Variants in PLPP4 observed in about 807,000 individuals in gnomAD.
PLPP4 encodes the protein diacylglycerol pyrophosphate like 2.
PLPP4 carries 20 observed loss-of-function variants against 32.2 expected under a neutral mutation model. That is an observed-to-expected ratio of 0.62 (90% CI 0.44 to 0.90). The LOEUF (loss-of-function observed/expected upper bound fraction) is 0.90. Among genes scored for constraint, PLPP4 ranks in the 40% least tolerant of loss-of-function variants. PLPP4 has a pLI of 0.00. For synonymous variants in PLPP4, 127 were observed against 133.0 expected, an observed-to-expected ratio of 0.95 and a Z score of 0.31; for missense variants, 257 against 353.1, an observed-to-expected ratio of 0.73 and a Z score of 2.18.
At chr10:120,537,125 G>A (rs1480284481) in intron 5 of PLPP4, among the ~76,000 whole-genome samples, 1 of 152,136 alleles carries the variant, frequency 6.6e-6, no homozygotes, top group Non-Finnish European at 1.5e-5. Context: ...ATGAAAAAGA[G>A]CATAGAGCTT....
In PLPP4 at chr10:120,520,935, A is replaced by G. The variant is rs891025353; in HGVS notation, c.321-36A>G. On this transcript the variant is annotated intron_variant, in intron 4 of 6. Transcript: ENST00000398250. ...GCTTGGGGTCATTTGTGATGGCAGC[A>G]TTTTATATTGAAAATGTCCATGGTG... is the stretch of plus-strand genomic sequence containing the variant. The G allele has an allele frequency of 4.3e-6, 7 of 1,612,674 alleles. No individual in the cohort carries two copies. The African/African-American group carries it at 8.0e-5, about 18-fold the overall frequency.
intron 5 of PLPP4, among the ~76,000 whole-genome samples, chr10:120,560,140 A>G (rs1440978703): frequency 6.6e-6 from 1 of 152,184 alleles, no homozygotes; most frequent in Non-Finnish European, 1.5e-5. Context: ...GCAATGTTGT[A>G]AACCTTGAAT....
At chr10:120,504,074 A>C in intron 2 of PLPP4, 148 bp downstream of exon 2, 1 of 625,824 alleles carries the variant, frequency 1.6e-6, no homozygotes, top group Non-Finnish European at 2.8e-6. Context: ...ATCCAGTTCC[A>C]TGTCATGATA....
At chr10:120,465,270 G>T (rs1848258447) in intron 1 of PLPP4, among the ~76,000 whole-genome samples, 1 of 152,230 alleles carries the variant, frequency 6.6e-6, no homozygotes, top group African/African-American at 2.4e-5. Context: ...ACTGCTGCCT[G>T]CCAGTGGGCC....
rs551740224 is a variant in PLPP4, at chr10:120,475,433, A to G, written c.56+18072A>G. On this transcript the variant is annotated intron_variant, in intron 1 of 6. Coordinates refer to ENST00000398250, the MANE Select transcript of PLPP4 (RefSeq NM_001030059.3). ...GCACATTTGGCCTTGTCCTTTTCCC[A>G]TTCATTGGGGGTTATATGAATGCAG... is the stretch of plus-strand genomic sequence containing the variant. Among the ~76,000 whole-genome samples, 18 of 152,140 alleles carry G rather than the reference A, an allele frequency of 1.2e-4. No individual in the cohort carries two copies. In the South Asian group the frequency reaches 3.7e-3, roughly 32 times the overall value.
At chr10:120,526,808 A>G (rs1846413284) in intron 5 of PLPP4, among the ~76,000 whole-genome samples, 1 of 152,104 alleles carries the variant, frequency 6.6e-6, no homozygotes, top group Non-Finnish European at 1.5e-5. Context: ...TTCTAGCCCC[A>G]TAGTTCACCC....
At chr10:120,466,849 T>TA (rs1848345322) in intron 1 of PLPP4, among the ~76,000 whole-genome samples, 1 of 152,138 alleles carries the variant, frequency 6.6e-6, no homozygotes, top group Admixed American at 6.5e-5. Flanking sequence ...TGTTAGGTGC[T>TA]AAAGCCAGTC....
chr10:120,532,673 T>C (rs1846796785), intron 5 of PLPP4, among the ~76,000 whole-genome samples: 1 of 152,208 alleles, frequency 6.6e-6, no homozygotes, highest in African/African-American at 2.4e-5. Context: ...ATTGATTTAC[T>C]TACTGTCTCT....
intron 1 of PLPP4, among the ~76,000 whole-genome samples, chr10:120,477,323 A>G (rs542594375): frequency 6.7e-6 from 1 of 150,060 alleles, no homozygotes; most frequent in East Asian, 1.9e-4. Flanking sequence ...TTTCCTTCTC[A>G]GAGAATCTAA....
chr10:120,555,478 C>T (rs1031855099), intron 5 of PLPP4, among the ~76,000 whole-genome samples: 22 of 152,120 alleles, frequency 1.4e-4, no homozygotes, highest in African/African-American at 5.1e-4. Flanking sequence ...GAAATGAGAC[C>T]GGGGTCTCTG....
chr10:120,546,355 T>A (rs191761270), intron 5 of PLPP4, among the ~76,000 whole-genome samples: 86 of 152,190 alleles, frequency 5.7e-4, no homozygotes, highest in African/African-American at 1.9e-3. Flanking sequence ...AGCCTTCCTG[T>A]TCAGTTCTCT....
At position 120,520,871 on chromosome 10, in the gene PLPP4, G is replaced by T. The variant is rs1038045072; in HGVS notation, c.321-100G>T. 5.2e-5 allele frequency: 75 copies of T among 1,445,264 alleles called. 1 individual carries two copies. The highest frequency in any genetic ancestry group is 2.8e-4 in the Admixed American group (16 of 56,742). The allele number at this position is 1,445,264 out of a possible 1,614,324, so 89.5% of individuals were successfully genotyped here. A position where few individuals can be genotyped will look rare whatever the true frequency, so the allele number is the denominator to read the frequency against. Reference sequence around the variant, plus strand: ...TCCAGTGTTGACAGCCAAGGGGGCTGAGGAAAGAGCTGGGGGCAGTGGGGA... The same window carrying T: ...TCCAGTGTTGACAGCCAAGGGGGCTTAGGAAAGAGCTGGGGGCAGTGGGGA... On this transcript the variant is annotated intron_variant, in intron 4 of 6. Coordinates refer to ENST00000398250, the MANE Select transcript of PLPP4 (RefSeq NM_001030059.3).
At chr10:120,486,358 C>T (rs528598626) in intron 1 of PLPP4, among the ~76,000 whole-genome samples, 2 of 152,112 alleles carry the variant, frequency 1.3e-5, no homozygotes, top group South Asian at 4.2e-4. Flanking sequence ...TCTACTGTCC[C>T]CTAGATGAGG....
In PLPP4 at chr10:120,566,648, G is replaced by A. The variant is rs141472884; in HGVS notation, c.446-8483G>A. Among the ~76,000 whole-genome samples, 693 of 150,728 alleles carry A rather than the reference G, an allele frequency of 4.6e-3. 12 individuals carry two copies. The highest frequency in any genetic ancestry group is 0.016 in the African/African-American group (650 of 41,020). On this transcript the variant is annotated intron_variant, in intron 5 of 6. Coordinates refer to ENST00000398250, the MANE Select transcript of PLPP4 (RefSeq NM_001030059.3). Reference sequence around the variant, plus strand: ...ACCTCCACCTCCACCTCCACCTCCCGAGTTCAAGCAATTATCCCACCTCAG... The same window carrying A: ...ACCTCCACCTCCACCTCCACCTCCCAAGTTCAAGCAATTATCCCACCTCAG...
intron 1 of PLPP4, among the ~76,000 whole-genome samples, chr10:120,473,946 T>C (rs1843778170): frequency 6.6e-6 from 1 of 152,212 alleles, no homozygotes; most frequent in Admixed American, 6.5e-5. Context: ...TTTATAGCAA[T>C]GTGAGAACGA....
chr10:120,462,113 C>T (rs1848077994), intron 1 of PLPP4, among the ~76,000 whole-genome samples: 1 of 152,120 alleles, frequency 6.6e-6, no homozygotes, highest in Non-Finnish European at 1.5e-5. Context: ...GCACCGAATG[C>T]CAGGTGTACA....
intron 5 of PLPP4, among the ~76,000 whole-genome samples, chr10:120,562,020 T>A (rs1014025354): frequency 3.9e-5 from 6 of 152,182 alleles, no homozygotes; most frequent in South Asian, 4.1e-4. Flanking sequence ...TGATTGGGAT[T>A]TTAGTAAATC....
chr10:120,470,012 A>G (rs1848448722), intron 1 of PLPP4, among the ~76,000 whole-genome samples: 1 of 152,222 alleles, frequency 6.6e-6, no homozygotes, highest in South Asian at 2.1e-4. Flanking sequence ...CTGGGTCAAG[A>G]CCACGTACAT....
intron 1 of PLPP4, 91 bp from the exon 2 acceptor site, chr10:120,503,727 C>T: frequency 6.3e-7 from 1 of 1,585,732 alleles, no homozygotes; most frequent in South Asian, 1.1e-5. Flanking sequence ...TGGATTCCCA[C>T]CCTGAGGGTG....
Sources: gnomAD v4.1 joint callset for allele counts (sites outside exome capture counted in the v4.1 genomes callset) on GRCh38, gnomAD v4.1.1 for gene constraint, MANE v1.5 for transcripts, NCBI Gene and HGNC (gene_info 2026-07-23, HGNC 2026-07-21) for gene names.